Variants in CSF1R observed in about 807,000 individuals in gnomAD.
The protein encoded by CSF1R is colony stimulating factor 1 receptor.
CSF1R carries 40 observed loss-of-function variants against 110.0 expected under a neutral mutation model. The observed-to-expected ratio is 0.36, with a 90% CI of 0.28 to 0.47. The LOEUF (loss-of-function observed/expected upper bound fraction) is 0.47, where lower values mean the gene tolerates loss of function less well. Among genes scored for constraint, CSF1R ranks in the 20% least tolerant of loss-of-function variants. The probability of loss-of-function intolerance (pLI) is 0.99; values close to 1 mark genes in which losing one functional copy is unlikely to be tolerated. For synonymous variants in CSF1R, 523 were observed against 503.4 expected, an observed-to-expected ratio of 1.04 and a Z score of -0.52; for missense variants, 1,052 against 1,253.0, an observed-to-expected ratio of 0.84 and a Z score of 2.42.
At chr5:150,071,776 G>A (rs551061947) in intron 6 of CSF1R, among the ~76,000 whole-genome samples, 1 of 152,132 alleles carries the variant, frequency 6.6e-6, no homozygotes, top group South Asian at 2.1e-4. Context: ...CCCTCCAAAG[G>A]GCCTACACAT....
At chr5:150,076,348 AT>A (rs1561933133) in intron 5 of CSF1R, among the ~76,000 whole-genome samples, 18 of 151,570 alleles carry the variant, frequency 1.2e-4, no homozygotes, top group African/African-American at 4.4e-4. Flanking sequence ...CTATCTATCT[AT>A]CTATCTATCT....
Position 150,077,325 on chromosome 5 carries a change from G to T in CSF1R, c.840C>A (p.Ala280=). Residue 280 remains alanine (A), a synonymous_variant, in exon 5 of 21, where the codon GCC becomes GCA. Transcript: ENST00000675795. ...TGGAGTGCTTGCCCTGCACGTTGCTGGCCACGCAGGAGTAGTTGCCGGCAT... is the reference window on the plus strand; with the variant it reads ...TGGAGTGCTTGCCCTGCACGTTGCTTGCCACGCAGGAGTAGTTGCCGGCAT... ...FQHAGNYSCV[A]SNVQGKHSTS... The T allele has an allele frequency of 6.2e-7, 1 of 1,614,228 alleles. No homozygotes were observed. The highest frequency in any genetic ancestry group is 8.5e-7 in the Non-Finnish European group (1 of 1,180,048).
chr5:150,104,114 G>C (rs760900434), intron 1 of CSF1R, among the ~76,000 whole-genome samples: 3 of 152,214 alleles, frequency 2.0e-5, no homozygotes, highest in Admixed American at 1.3e-4. Flanking sequence ...AGAGTCCCTG[G>C]ATGGCCTTGA....
intron 14 of CSF1R, among the ~76,000 whole-genome samples, chr5:150,058,940 C>T (rs1485898111): frequency 6.6e-6 from 1 of 152,134 alleles, no homozygotes; most frequent in Non-Finnish European, 1.5e-5. Context: ...TCATGTGTGA[C>T]ATGAATCTCC....
chr5:150,065,729 G>C (rs1757739068), intron 10 of CSF1R, among the ~76,000 whole-genome samples: 1 of 152,206 alleles, frequency 6.6e-6, no homozygotes, highest in South Asian at 2.1e-4. Context: ...GGGTGTAGGG[G>C]AGGAGGGTAG....
intron 6 of CSF1R, 137 bp from the exon 7 acceptor site, chr5:150,070,708 C>A (rs1757996198): frequency 1.9e-6 from 1 of 536,086 alleles, no homozygotes; most frequent in Non-Finnish European, 3.1e-6. Flanking sequence ...CTTGGGTAAG[C>A]CAGATACTCA....
rs554322431 is a variant in CSF1R, at chr5:150,057,197, C to A, written c.2319+90G>T. 120 of 1,101,044 alleles carry A rather than the reference C, an allele frequency of 1.1e-4. No homozygotes were observed. In the African/African-American group the frequency reaches 1.5e-3, roughly 14 times the overall value. 68.2% of individuals were successfully genotyped at this position (1,101,044 alleles called of 1,614,324 possible). A position where few individuals can be genotyped will look rare whatever the true frequency, so the allele number is the denominator to read the frequency against. On this transcript the variant is annotated intron_variant, in intron 16 of 20. Transcript: ENST00000675795. ...GTCTCCTCCCCTACCCCCTCACAGG[C>A]TCCCGTTTCCTCCTCCCCATCGTCA...
intron 3 of CSF1R, 64 bp downstream of exon 3, chr5:150,079,988 T>C (rs1158407198): frequency 1.9e-6 from 3 of 1,565,178 alleles, no homozygotes; most frequent in Non-Finnish European, 2.6e-6. Flanking sequence ...TCACCACCCA[T>C]GTGGCCGCCG....
chr5:150,057,755 C>T (rs936691211), intron 14 of CSF1R, among the ~76,000 whole-genome samples, 163 bp from the exon 15 acceptor site: 1 of 152,232 alleles, frequency 6.6e-6, no homozygotes, highest in Non-Finnish European at 1.5e-5. Flanking sequence ...CTCTGCTCGG[C>T]TGTCCCCGGT....
At chr5:150,075,765 G>C (rs1346014981) in intron 5 of CSF1R, among the ~76,000 whole-genome samples, 2 of 152,150 alleles carry the variant, frequency 1.3e-5, no homozygotes, top group Non-Finnish European at 2.9e-5. Flanking sequence ...AACATTTCTT[G>C]AGTGATGACT....
At position 150,073,390 on chromosome 5, in the gene CSF1R, C is replaced by G; in HGVS notation, c.993G>C (p.Leu331=). The change falls in exon 6 of 21, where the codon CTG becomes CTC. Residue 331 remains leucine, a synonymous_variant. Transcript: ENST00000675795. ...CCAGGTAGGTCCAGTTAAAACCTTG[C>G]AGGCCTGGGTAGGCCTCCACCATGA... ...LKVMVEAYPG[L]QGFNWTYLGP... 2.5e-6 allele frequency: 4 copies of G among 1,614,120 alleles called. No individual in the cohort carries two copies. The highest frequency in any genetic ancestry group is 3.4e-6 in the Non-Finnish European group (4 of 1,180,006).
chr5:150,073,660 C>T (rs1442775652), intron 5 of CSF1R, among the ~76,000 whole-genome samples, 167 bp from the exon 6 acceptor site: 1 of 152,220 alleles, frequency 6.6e-6, no homozygotes, highest in African/African-American at 2.4e-5. Context: ...TCACCACCCC[C>T]TTCAGAATCC....
intron 1 of CSF1R, among the ~76,000 whole-genome samples, chr5:150,107,317 C>A (rs1313067798): frequency 6.6e-6 from 1 of 152,202 alleles, no homozygotes; most frequent in African/African-American, 2.4e-5. Flanking sequence ...CATCTATGGA[C>A]ATTAACATGA....
At chr5:150,106,900 C>T (rs1759575854) in intron 1 of CSF1R, among the ~76,000 whole-genome samples, 1 of 152,316 alleles carries the variant, frequency 6.6e-6, no homozygotes, top group Admixed American at 6.5e-5. Context: ...TTTCCTGGCA[C>T]TTCTCGCTGT....
At chr5:150,077,232 C>T in intron 5 of CSF1R, 44 bp downstream of exon 5, 1 of 1,613,032 alleles carries the variant, frequency 6.2e-7, no homozygotes, top group South Asian at 1.1e-5. Flanking sequence ...GCTCACACTC[C>T]TGCAGGATCC....
At chr5:150,084,396 AAGGAAGGAAG>A (rs1561945968) in intron 1 of CSF1R, among the ~76,000 whole-genome samples, 151 of 43,986 alleles carry the variant, frequency 3.4e-3, no homozygotes, top group South Asian at 5.0e-3. Flanking sequence ...AGAAAGAAGG[AAGGAAGGAAG>A]GAAGGAAGGA....
intron 10 of CSF1R, among the ~76,000 whole-genome samples, chr5:150,063,784 C>A (rs1321261333): frequency 1.3e-5 from 2 of 152,100 alleles, no homozygotes; most frequent in African/African-American, 4.8e-5. Flanking sequence ...GGAAGCTGGG[C>A]TGGGGCGGTG....
At chr5:150,058,396 T>G (rs1293737484) in intron 14 of CSF1R, 1 of 447,454 alleles carries the variant, frequency 2.2e-6, no homozygotes, top group Non-Finnish European at 4.5e-6. Context: ...GCTAGAGATG[T>G]GTACCTTGAC....
chr5:150,088,121 G>T (rs1389729517), upstream of CSF1R, among the ~76,000 whole-genome samples: 1 of 152,048 alleles, frequency 6.6e-6, no homozygotes. Context: ...TGTGTGTGTG[G>T]TGTGTATGTG....
Sources: gnomAD v4.1 joint callset for allele counts (sites outside exome capture counted in the v4.1 genomes callset) on GRCh38, gnomAD v4.1.1 for gene constraint, MANE v1.5 for transcripts, NCBI Gene and HGNC (gene_info 2026-07-23, HGNC 2026-07-21) for gene names.